The following RPS6KA5 variants were observed in gnomAD, a reference collection of about 807,000 sequenced individuals.
RPS6KA5 encodes the protein ribosomal protein S6 kinase A5.
Under a neutral mutation model 85.5 loss-of-function variants are expected in RPS6KA5, and 27 were observed. The observed-to-expected ratio is 0.32, with a 90% CI of 0.23 to 0.44. The LOEUF (loss-of-function observed/expected upper bound fraction) is 0.44. Ranked by LOEUF, RPS6KA5 falls within the 20% of genes least tolerant of loss-of-function variation. The probability of loss-of-function intolerance (pLI) is 1.00; values close to 1 mark genes in which losing one functional copy is unlikely to be tolerated. For synonymous variants in RPS6KA5, 334 were observed against 348.2 expected, an observed-to-expected ratio of 0.96 and a Z score of 0.46; for missense variants, 811 against 980.9, an observed-to-expected ratio of 0.83 and a Z score of 2.31.
At chr14:90,912,904 CTTTTTTTTTTT>C (rs57029403) in intron 7 of RPS6KA5, among the ~76,000 whole-genome samples, 12 of 53,300 alleles carry the variant, frequency 2.3e-4, no homozygotes, top group Middle Eastern at 0.045. Flanking sequence ...CATAAAGCAT[CTTTTTTTTTTT>C]TTTTTTTTTT....
Position 91,020,638 on chromosome 14 carries a change from G to GTT in RPS6KA5, c.104-19480_104-19479insAA, listed in dbSNP as rs1555378450. Among the ~76,000 whole-genome samples the GTT allele has an allele frequency of 2.8e-3, 417 of 149,310 alleles. 13 individuals are homozygous for GTT. Among genetic ancestry groups the GTT allele is most frequent in the African/African-American group, 9.6e-3 (379 of 39,646 alleles). ...ATTGTGTGTGTGTGTGTGTGTGTGT[G>GTT]TGTGTGTGTGTGTTTATATGTGTAT... On this transcript the variant is annotated intron_variant, in intron 1 of 16. Transcript: ENST00000614987.
At chr14:90,955,192 T>A (rs1212244927) in intron 3 of RPS6KA5, among the ~76,000 whole-genome samples, 1 of 152,206 alleles carries the variant, frequency 6.6e-6, no homozygotes, top group African/African-American at 2.4e-5. Flanking sequence ...TTTCAAATGT[T>A]TCTTGCTTTT....
In RPS6KA5 at chr14:90,871,502, T is replaced by C. The variant is rs2033111544; in HGVS notation, c.*572A>G. 6.6e-6 allele frequency: 1 copy of C among 151,842 alleles called. No homozygotes were observed. The highest frequency in any genetic ancestry group is 6.5e-5 in the Admixed American group (1 of 15,268). 9.4% of individuals were successfully genotyped at this position (151,842 alleles called of 1,614,324 possible). ...AGTTCTTATATCTTTTTTTTTTTTT[T>C]TCACTTTTTAGAAAAAGTTTAATAA... On this transcript the variant is annotated 3_prime_UTR_variant, in exon 17 of 17. Coordinates refer to ENST00000614987, the MANE Select transcript of RPS6KA5 (RefSeq NM_004755.4).
At chr14:90,907,820 C>A (rs1238804215) in intron 7 of RPS6KA5, among the ~76,000 whole-genome samples, 1 of 152,174 alleles carries the variant, frequency 6.6e-6, no homozygotes, top group Non-Finnish European at 1.5e-5. Flanking sequence ...TCAGATCAGA[C>A]ACAAGCATGT....
At chr14:91,044,392 G>GAAAGAAA (rs2042765068) in intron 1 of RPS6KA5, among the ~76,000 whole-genome samples, 3 of 55,172 alleles carry the variant, frequency 5.4e-5, no homozygotes, top group African/African-American at 1.9e-4. Context: ...AAAGAAAGAA[G>GAAAGAAA]GAAAGAAAGA....
intron 4 of RPS6KA5, among the ~76,000 whole-genome samples, chr14:90,943,947 G>T (rs905270369): frequency 6.6e-6 from 1 of 152,050 alleles, no homozygotes; most frequent in Non-Finnish European, 1.5e-5. Context: ...CAAACTTCTG[G>T]GCTAAAGCCA....
chr14:90,958,817 A>G (rs1438859798), intron 3 of RPS6KA5, among the ~76,000 whole-genome samples: 1 of 152,084 alleles, frequency 6.6e-6, no homozygotes, highest in East Asian at 1.9e-4. Flanking sequence ...TAAATTAGAT[A>G]TTATTAATGA....
At chr14:90,878,607 G>A (rs1460867162) in intron 14 of RPS6KA5, among the ~76,000 whole-genome samples, 2 of 152,152 alleles carry the variant, frequency 1.3e-5, no homozygotes, top group East Asian at 1.9e-4. Flanking sequence ...CCATTATAGG[G>A]TATTTTCCTC....
chr14:90,874,559 C>T (rs2033326246), intron 15 of RPS6KA5, among the ~76,000 whole-genome samples: 1 of 152,142 alleles, frequency 6.6e-6, no homozygotes, highest in East Asian at 1.9e-4. Flanking sequence ...GGAGTCTGAC[C>T]TGAAGCAAAC....
At chr14:91,036,893 T>C (rs10137806) in intron 1 of RPS6KA5, among the ~76,000 whole-genome samples, 1 of 152,094 alleles carries the variant, frequency 6.6e-6, no homozygotes, top group Admixed American at 6.5e-5. Context: ...GGGTGGACAG[T>C]GGAGACGCCT....
In RPS6KA5 at chr14:90,947,492, C is replaced by T; in HGVS notation, c.453G>A (p.Glu151=). ...CTCCAACATAAATCTGCACCTCATGCTCTGTGAAACGCTCTCTTTGAGAAA... is the reference window on the plus strand; with the variant it reads ...CTCCAACATAAATCTGCACCTCATGTTCTGTGAAACGCTCTCTTTGAGAAA... ...THLSQRERFT[E]HEVQIYVGEI... is the part of the protein sequence containing the mutation. Residue 151 remains glutamate, a synonymous_variant, in exon 4 of 17, where the codon GAG becomes GAA. Transcript: ENST00000614987. The T allele has an allele frequency of 6.2e-7, 1 of 1,612,972 alleles. No homozygotes were observed. Among genetic ancestry groups the T allele is most frequent in the Non-Finnish European group, 8.5e-7 (1 of 1,179,038 alleles).
At chr14:91,033,474 T>C (rs1398285585) in intron 1 of RPS6KA5, among the ~76,000 whole-genome samples, 3 of 150,584 alleles carry the variant, frequency 2.0e-5, no homozygotes, top group Non-Finnish European at 4.4e-5. Flanking sequence ...TGGTGGTGCA[T>C]GCCTGTAATC....
intron 3 of RPS6KA5, among the ~76,000 whole-genome samples, chr14:90,977,970 A>G (rs1343312090): frequency 6.6e-6 from 1 of 152,066 alleles, no homozygotes; most frequent in Non-Finnish European, 1.5e-5. Context: ...AAGGAGAATC[A>G]CCTGAACCTG....
intron 1 of RPS6KA5, among the ~76,000 whole-genome samples, chr14:91,043,857 G>A (rs554764290): frequency 3.9e-5 from 6 of 152,100 alleles, no homozygotes; most frequent in African/African-American, 1.2e-4. Flanking sequence ...TGAATATCAC[G>A]AAATCACACA....
rs61230626 is a variant in RPS6KA5 at position 90,863,302 on chromosome 14, C to CAAAAAAAA, written c.*8764_*8771dup. 2.6e-3 allele frequency: 64 copies of CAAAAAAAA among 24,784 alleles called. No homozygotes were observed. Among genetic ancestry groups the CAAAAAAAA allele is most frequent in the Admixed American group, 3.8e-3 (5 of 1,330 alleles). 1.5% of individuals were successfully genotyped at this position (24,784 alleles called of 1,614,324 possible). On this transcript the variant is annotated 3_prime_UTR_variant, in exon 17 of 17. Transcript: ENST00000614987. The stretch of plus-strand genomic sequence containing the variant: ...TGGGTGGCAGAGCGAGACTCCGTCT[C>CAAAAAAAA]AAAAAAAAAAAAAAAAAAAAAAAAA...
At chr14:90,873,131 T>A (rs1412044615) in intron 16 of RPS6KA5, among the ~76,000 whole-genome samples, 1 of 152,220 alleles carries the variant, frequency 6.6e-6, no homozygotes, top group Non-Finnish European at 1.5e-5. Flanking sequence ...ATTATCTTAA[T>A]ATATTTGCAT....
chr14:90,982,653 C>T (rs888597295), intron 2 of RPS6KA5, among the ~76,000 whole-genome samples: 31 of 152,150 alleles, frequency 2.0e-4, no homozygotes, highest in African/African-American at 7.0e-4. Flanking sequence ...TACATCAGAG[C>T]CAAGGTCTTT....
intron 14 of RPS6KA5, among the ~76,000 whole-genome samples, chr14:90,888,688 A>G (rs1229814747): frequency 6.6e-6 from 1 of 152,206 alleles, no homozygotes; most frequent in Admixed American, 6.5e-5. Context: ...CTAGAGAAAA[A>G]TTTAGGACAA....
intron 2 of RPS6KA5, among the ~76,000 whole-genome samples, chr14:90,991,156 T>C (rs1318815318): frequency 6.6e-6 from 1 of 152,170 alleles, no homozygotes; most frequent in African/African-American, 2.4e-5. Context: ...ATGCAGTATA[T>C]GTTCTTAAAT....
Sources: gnomAD v4.1 joint callset for allele counts (sites outside exome capture counted in the v4.1 genomes callset) on GRCh38, gnomAD v4.1.1 for gene constraint, MANE v1.5 for transcripts, NCBI Gene and HGNC (gene_info 2026-07-23, HGNC 2026-07-21) for gene names.